Variants in ATP8A1 observed in about 807,000 individuals in gnomAD.
The protein encoded by ATP8A1 is phospholipid-transporting ATPase IA.
Under a neutral mutation model 177.7 loss-of-function variants are expected in ATP8A1, and 90 were observed. That is an observed-to-expected ratio of 0.51 (90% confidence interval 0.43 to 0.60). The LOEUF (loss-of-function observed/expected upper bound fraction) is 0.60. Among genes scored for constraint, ATP8A1 ranks in the 20% least tolerant of loss-of-function variants. The pLI is 0.00. For missense variants in ATP8A1, 1,072 were observed against 1,392.8 expected (o/e 0.77, Z 3.67); for synonymous variants, 493 against 485.9 (o/e 1.01, Z -0.19).
chr4:42,506,741 C>A (rs1244392130), intron 23 of ATP8A1, among the ~76,000 whole-genome samples: 2 of 152,208 alleles, frequency 1.3e-5, no homozygotes, highest in Non-Finnish European at 2.9e-5. Context: ...TAGCAACCTT[C>A]TTCTTTCCTA....
chr4:42,419,515 G>A (rs1713621222), intron 35 of ATP8A1, among the ~76,000 whole-genome samples: 1 of 152,296 alleles, frequency 6.6e-6, no homozygotes, highest in South Asian at 2.1e-4. Context: ...TGAAAAAATT[G>A]AATCTACATT....
intron 25 of ATP8A1, among the ~76,000 whole-genome samples, chr4:42,484,739 C>CA: frequency 6.6e-6 from 1 of 152,256 alleles, no homozygotes; most frequent in East Asian, 1.9e-4. Context: ...GAAGAGAAGG[C>CA]AATTTGAGAA....
At chr4:42,595,452 A>C (rs1308666293) in intron 6 of ATP8A1, among the ~76,000 whole-genome samples, 1 of 152,186 alleles carries the variant, frequency 6.6e-6, no homozygotes, top group Non-Finnish European at 1.5e-5. Flanking sequence ...TCAAAAAATA[A>C]TTCAGCTGAA....
intron 5 of ATP8A1, among the ~76,000 whole-genome samples, chr4:42,605,000 T>C (rs1023944620): frequency 6.6e-6 from 1 of 152,134 alleles, no homozygotes. Flanking sequence ...AGGTTAGTGA[T>C]TGCAAGGGAT....
At chr4:42,566,781 T>A (rs544943461) in intron 15 of ATP8A1, among the ~76,000 whole-genome samples, 2 of 152,312 alleles carry the variant, frequency 1.3e-5, no homozygotes, top group African/African-American at 4.8e-5. Flanking sequence ...CAGGCTGATG[T>A]AGGTTTCAAC....
At chr4:42,475,430 A>C (rs1360833826) in intron 25 of ATP8A1, among the ~76,000 whole-genome samples, 1 of 152,076 alleles carries the variant, frequency 6.6e-6, no homozygotes, top group Non-Finnish European at 1.5e-5. Context: ...TTGGAGAAAA[A>C]ACAAAAGACA....
In ATP8A1 at chr4:42,656,963, G is replaced by C. The variant is rs531010134; in HGVS notation, c.-90C>G. 1 of 1,299,218 alleles carries C rather than the reference G, an allele frequency of 7.7e-7. No homozygotes were observed. The highest frequency in any genetic ancestry group is 1.5e-5 in the African/African-American group (1 of 65,442). The allele number at this position is 1,299,218 out of a possible 1,614,324, so 80.5% of individuals were successfully genotyped here. A position where few individuals can be genotyped will look rare whatever the true frequency, so the allele number is the denominator to read the frequency against. ...GGGAGACCCGGCTGCGCCGCGCAGA[G>C]CGCTCAGCTGCAGCCTGGGCCGCGC... On this transcript the variant is annotated 5_prime_UTR_variant, in exon 1 of 37. Coordinates refer to ENST00000381668, the MANE Select transcript of ATP8A1 (RefSeq NM_006095.2).
chr4:42,542,849 T>C (rs907929454), intron 20 of ATP8A1, among the ~76,000 whole-genome samples: 2 of 152,172 alleles, frequency 1.3e-5, no homozygotes, highest in Admixed American at 6.5e-5. Flanking sequence ...GAATATTACT[T>C]TTGGGATGTG....
intron 6 of ATP8A1, among the ~76,000 whole-genome samples, chr4:42,596,766 C>G (rs1225108861): frequency 6.6e-6 from 1 of 151,650 alleles, no homozygotes; most frequent in African/African-American, 2.4e-5. Flanking sequence ...CACATGCATA[C>G]AGCCCACCAT....
intron 25 of ATP8A1, among the ~76,000 whole-genome samples, chr4:42,472,839 T>TTA (rs545574743): frequency 1.0e-3 from 153 of 151,902 alleles, no homozygotes; most frequent in African/African-American, 3.5e-3. Flanking sequence ...AAAGTATGTT[T>TTA]TATATATATC....
At chr4:42,506,660 G>A (rs1393940481) in intron 23 of ATP8A1, among the ~76,000 whole-genome samples, 2 of 152,074 alleles carry the variant, frequency 1.3e-5, no homozygotes, top group African/African-American at 2.4e-5. Flanking sequence ...TGTGTGGTAC[G>A]CTCTTATGGA....
chr4:42,652,648 G>C (rs948408546), intron 1 of ATP8A1, among the ~76,000 whole-genome samples: 4 of 152,122 alleles, frequency 2.6e-5, no homozygotes, highest in Non-Finnish European at 5.9e-5. Context: ...TTGTGGAAGA[G>C]ACCTGGTGGG....
At chr4:42,615,082 AAT>A (rs1284774071) in intron 5 of ATP8A1, among the ~76,000 whole-genome samples, 13 of 152,206 alleles carry the variant, frequency 8.5e-5, no homozygotes, top group African/African-American at 2.9e-4. Context: ...TATTTCAACA[AAT>A]ATGTTATAAG....
chr4:42,574,797 G>A, intron 13 of ATP8A1, 90 bp from the exon 14 acceptor site: 1 of 806,684 alleles, frequency 1.2e-6, no homozygotes, highest in South Asian at 1.8e-5. Flanking sequence ...TATTAACATT[G>A]CAGGGGCACA....
In ATP8A1 at chr4:42,657,008, A is replaced by G; in HGVS notation, c.-135T>C. The G allele has an allele frequency of 2.1e-6, 2 of 973,188 alleles. No individual in the cohort carries two copies. The highest frequency in any genetic ancestry group is 2.7e-6 in the Non-Finnish European group (2 of 747,652). The allele number at this position is 973,188 out of a possible 1,614,324, so 60.3% of individuals were successfully genotyped here. On this transcript the variant is annotated 5_prime_UTR_variant, in exon 1 of 37. Transcript: ENST00000381668. ...CCGCGCCGCCGCCCACCTAGGGCAG[A>G]GCTGCCGCCGGGCGCGGCCCCCGCA... is the stretch of plus-strand genomic sequence containing the variant.
chr4:42,573,763 C>T (rs1157260093), intron 14 of ATP8A1, among the ~76,000 whole-genome samples: 1 of 152,104 alleles, frequency 6.6e-6, no homozygotes, highest in Admixed American at 6.6e-5. Flanking sequence ...TTGTCACTGG[C>T]TTACTGCTCA....
In ATP8A1 at chr4:42,411,140, T is replaced by G. The variant is rs912008548; in HGVS notation, c.*1776A>C. 6.6e-6 allele frequency: 1 copy of G among 152,180 alleles called. No individual in the cohort carries two copies. Among genetic ancestry groups the G allele is most frequent in the African/African-American group, 2.4e-5 (1 of 41,448 alleles). The allele number at this position is 152,180 out of a possible 1,614,324, so 9.4% of individuals were successfully genotyped here. A position where few individuals can be genotyped will look rare whatever the true frequency, so the allele number is the denominator to read the frequency against. ...ATCTGTACCCCAAACAGGAAGGGCT[T>G]GGGAAGTAAAGTATGTAAACGTGTG... On this transcript the variant is annotated 3_prime_UTR_variant, in exon 37 of 37. Coordinates refer to ENST00000381668, the MANE Select transcript of ATP8A1 (RefSeq NM_006095.2).
intron 20 of ATP8A1, among the ~76,000 whole-genome samples, chr4:42,532,633 G>A (rs781033262): frequency 6.6e-6 from 1 of 152,084 alleles, no homozygotes; most frequent in Non-Finnish European, 1.5e-5. Flanking sequence ...GTTGAAAATG[G>A]CAGATAGGAG....
At chr4:42,633,156 A>G in intron 1 of ATP8A1, among the ~76,000 whole-genome samples, 1 of 152,240 alleles carries the variant, frequency 6.6e-6, no homozygotes, top group East Asian at 1.9e-4. Flanking sequence ...CTAAGCAGTG[A>G]CTATAATCAG....
Sources: gnomAD v4.1 joint callset for allele counts (sites outside exome capture counted in the v4.1 genomes callset) on GRCh38, gnomAD v4.1.1 for gene constraint, MANE v1.5 for transcripts, NCBI Gene and HGNC (gene_info 2026-07-23, HGNC 2026-07-21) for gene names.